Variants in NKAIN3 observed in about 807,000 individuals in gnomAD.
NKAIN3 encodes sodium/potassium transporting ATPase interacting 3.
A neutral mutation model predicts 30.2 loss-of-function variants in NKAIN3; 25 were observed. The observed-to-expected ratio is 0.83, with a 90% CI of 0.60 to 1.16. The LOEUF (loss-of-function observed/expected upper bound fraction) is 1.16, where lower values mean the gene tolerates loss of function less well. Among genes scored for constraint, NKAIN3 ranks in the 50% most tolerant of loss-of-function variants. The pLI is 0.00. For missense variants in NKAIN3, 225 were observed against 254.1 expected, an observed-to-expected ratio of 0.89 and a Z score of 0.78; for synonymous variants, 91 against 89.6, an observed-to-expected ratio of 1.02 and a Z score of -0.09.
chr8:62,949,600 G>C (rs190012293), intron 5 of NKAIN3, among the ~76,000 whole-genome samples: 46 of 152,306 alleles, frequency 3.0e-4, no homozygotes, highest in African/African-American at 1.1e-3. Context: ...GGGTTTCCTG[G>C]CTGCAGGCTC....
intron 5 of NKAIN3, among the ~76,000 whole-genome samples, chr8:62,939,941 G>C (rs1208297532): frequency 6.6e-6 from 1 of 152,050 alleles, no homozygotes; most frequent in East Asian, 1.9e-4. Context: ...TGGCTTGAAT[G>C]CTCCACTTAA....
At chr8:62,622,091 C>T (rs138865696) in intron 3 of NKAIN3, among the ~76,000 whole-genome samples, 3 of 152,122 alleles carry the variant, frequency 2.0e-5, no homozygotes, top group Non-Finnish European at 4.4e-5. Context: ...TTCAGGATAA[C>T]TCTCCATAAT....
chr8:62,752,099 G>C (rs758301567), intron 4 of NKAIN3, among the ~76,000 whole-genome samples: 1 of 152,122 alleles, frequency 6.6e-6, no homozygotes, highest in Non-Finnish European at 1.5e-5. Flanking sequence ...TCCCAAAAGG[G>C]TGAACACAAA....
rs558605965 is a variant in NKAIN3, at chr8:62,755,018, T to C, written c.471+7889T>C. On this transcript the variant is annotated intron_variant, in intron 4 of 6. Coordinates refer to ENST00000623646, the MANE Select transcript of NKAIN3 (RefSeq NM_001304533.3). ...TAAAAGATTTTTTTAAATTTCTGTG[T>C]TAACATTTGCATTTATTTAACAAAC... Among the ~76,000 whole-genome samples the C allele has an allele frequency of 3.9e-5, 6 of 152,366 alleles. No individual in the cohort carries two copies. The South Asian group carries it at 1.2e-3, about 32-fold the overall frequency.
Position 62,395,354 on chromosome 8 carries a change from C to T in NKAIN3, c.54+146227C>T, listed in dbSNP as rs748773141. ...CAGAGGCGACCCTCACTTCCCAGAC[C>T]GAGGGAGGTGGTGGTGGGGGGTGGC... On this transcript the variant is annotated intron_variant, in intron 1 of 6. Transcript: ENST00000623646. Among the ~76,000 whole-genome samples, 6 of 152,086 alleles carry T rather than the reference C, an allele frequency of 3.9e-5. No homozygotes were observed. The South Asian group carries it at 6.2e-4, about 16-fold the overall frequency.
chr8:62,562,160 A>G (rs1809604823), intron 1 of NKAIN3, among the ~76,000 whole-genome samples: 4 of 152,280 alleles, frequency 2.6e-5, no homozygotes, highest in Middle Eastern at 6.8e-3. Context: ...CTCTTTATAC[A>G]CATATATTCT....
At chr8:62,360,637 T>A (rs577892790) in intron 1 of NKAIN3, among the ~76,000 whole-genome samples, 22 of 152,180 alleles carry the variant, frequency 1.4e-4, no homozygotes, top group Admixed American at 3.3e-4. Flanking sequence ...CTGTCAGGTC[T>A]GCTTGATTCA....
At chr8:62,317,171 T>G (rs1432084891) in intron 1 of NKAIN3, among the ~76,000 whole-genome samples, 1 of 152,236 alleles carries the variant, frequency 6.6e-6, no homozygotes, top group Non-Finnish European at 1.5e-5. Context: ...ATTCTGGATA[T>G]TAGCCCTTTG....
At chr8:62,944,767 C>T (rs995485662) in intron 5 of NKAIN3, among the ~76,000 whole-genome samples, 3 of 152,018 alleles carry the variant, frequency 2.0e-5, no homozygotes, top group African/African-American at 7.2e-5. Flanking sequence ...ATGAGTAAGT[C>T]CTAATCATAA....
intron 1 of NKAIN3, among the ~76,000 whole-genome samples, chr8:62,522,411 T>C (rs1255290833): frequency 1.3e-5 from 2 of 152,098 alleles, no homozygotes; most frequent in Admixed American, 6.6e-5. Flanking sequence ...ATGTTGCTAG[T>C]TTATTTACTA....
At chr8:62,682,189 C>G (rs998786399) in intron 3 of NKAIN3, among the ~76,000 whole-genome samples, 1 of 152,090 alleles carries the variant, frequency 6.6e-6, no homozygotes, top group African/African-American at 2.4e-5. Context: ...AAAAGGGGAT[C>G]GTTCCCCCTT....
At chr8:62,852,246 G>A (rs1173786548) in intron 4 of NKAIN3, among the ~76,000 whole-genome samples, 3 of 152,138 alleles carry the variant, frequency 2.0e-5, no homozygotes, top group African/African-American at 7.2e-5. Context: ...TTTGTGTAGA[G>A]GTGTTTATAG....
intron 1 of NKAIN3, among the ~76,000 whole-genome samples, chr8:62,452,653 G>A (rs1462095602): frequency 6.6e-6 from 1 of 151,888 alleles, no homozygotes; most frequent in Non-Finnish European, 1.5e-5. Flanking sequence ...TATATTTTGA[G>A]GAAAAACAAA....
chr8:62,298,295 A>G (rs1230838437), intron 1 of NKAIN3, among the ~76,000 whole-genome samples: 1 of 152,212 alleles, frequency 6.6e-6, no homozygotes, highest in Non-Finnish European at 1.5e-5. Context: ...CACGTTGTGC[A>G]TATGTACCCT....
At position 62,349,706 on chromosome 8, in the gene NKAIN3, G is replaced by A. The variant is rs184886800; in HGVS notation, c.54+100579G>A. Among the ~76,000 whole-genome samples, 4 of 152,224 alleles carry A rather than the reference G, an allele frequency of 2.6e-5. No homozygotes were observed. The East Asian group carries it at 7.8e-4, about 30-fold the overall frequency. On this transcript the variant is annotated intron_variant, in intron 1 of 6. Coordinates refer to ENST00000623646, the MANE Select transcript of NKAIN3 (RefSeq NM_001304533.3). ...CTCAGTAGCTAGGCTATTAAAGTCC[G>A]TGAAATCCTTGTTAGGATGAGTTGA...
intron 1 of NKAIN3, among the ~76,000 whole-genome samples, chr8:62,390,342 C>T (rs531969740): frequency 1.2e-4 from 19 of 152,178 alleles, no homozygotes; most frequent in South Asian, 2.1e-4. Flanking sequence ...TAATGTCTGC[C>T]GGCTCCAACC....
chr8:62,286,383 C>G (rs1813380750), intron 1 of NKAIN3, among the ~76,000 whole-genome samples: 1 of 151,942 alleles, frequency 6.6e-6, no homozygotes, highest in South Asian at 2.1e-4. Context: ...AAAGAAGATA[C>G]AGTATTTTTT....
At chr8:62,682,179 A>G (rs1361214748) in intron 3 of NKAIN3, among the ~76,000 whole-genome samples, 1 of 152,160 alleles carries the variant, frequency 6.6e-6, no homozygotes, top group African/African-American at 2.4e-5. Context: ...TGGAAGTAGG[A>G]AAAGGGGATC....
intron 4 of NKAIN3, among the ~76,000 whole-genome samples, chr8:62,872,025 CT>C (rs1820660969): frequency 6.6e-6 from 1 of 152,176 alleles, no homozygotes; most frequent in Non-Finnish European, 1.5e-5. Flanking sequence ...CTATATTTTA[CT>C]TTTCTATGTT....
Sources: allele counts gnomAD v4.1 joint callset (sites outside exome capture counted in the v4.1 genomes callset), GRCh38; gene constraint gnomAD v4.1.1; transcripts MANE v1.5; gene names NCBI Gene and HGNC (gene_info 2026-07-23, HGNC 2026-07-21).